Variants in CHIC1 observed in about 807,000 individuals in gnomAD.
CHIC1 encodes the protein cysteine rich hydrophobic domain 1.
CHIC1 carries 7 observed loss-of-function variants against 18.5 expected under a neutral mutation model. The observed-to-expected ratio is 0.38, with a 90% CI of 0.22 to 0.71. CHIC1 has a LOEUF of 0.71. Among genes scored for constraint, CHIC1 ranks in the 30% least tolerant of loss-of-function variants. CHIC1 has a pLI of 0.49. For missense variants in CHIC1, 159 were observed against 176.9 expected (o/e 0.90, Z 0.57); for synonymous variants, 77 against 73.5 (o/e 1.05, Z -0.25).
intron 3 of CHIC1, among the ~76,000 whole-genome samples, chrX:73,599,175 C>G (rs993052556): frequency 2.7e-5 from 3 of 109,556 alleles, no homozygotes; most frequent in Middle Eastern, 9.3e-3. Context: ...CTTTTGATGG[C>G]GTTGTTTGTT....
intron 3 of CHIC1, among the ~76,000 whole-genome samples, chrX:73,593,461 C>T (rs1249247296): frequency 9.0e-6 from 1 of 111,297 alleles, no homozygotes; most frequent in Non-Finnish European, 1.9e-5. Flanking sequence ...TCGACCTCTA[C>T]CAAGATTAGG....
chrX:73,619,214 C>G lies in CHIC1; in HGVS notation c.507+34642C>G, dbSNP rs775921637. Among the ~76,000 whole-genome samples, 3 of 111,074 alleles carry G rather than the reference C, an allele frequency of 2.7e-5. No individual in the cohort carries two copies. The South Asian group carries it at 1.2e-3, about 44-fold the overall frequency. On this transcript the variant is annotated intron_variant, in intron 3 of 5. Coordinates refer to ENST00000373502, the MANE Select transcript of CHIC1 (RefSeq NM_001039840.4). ...TCAAAGGGTCTATGGATTCTCTTAG[C>G]TTTCTTTGTATATTCATGCAGTAGT...
intron 1 of CHIC1, among the ~76,000 whole-genome samples, chrX:73,565,216 A>G (rs2057439722): frequency 8.9e-6 from 1 of 111,770 alleles, no homozygotes; most frequent in Non-Finnish European, 1.9e-5. Context: ...ACCAAAGGTT[A>G]CTTTTATGCA....
intron 2 of CHIC1, chrX:73,578,924 TCTA>T (rs2057513608): frequency 9.0e-6 from 1 of 110,644 alleles, no homozygotes; most frequent in African/African-American, 3.3e-5. Context: ...ATAAGATGCT[TCTA>T]CTGATATTTG....
chrX:73,580,768 G>T (rs1380305473), intron 2 of CHIC1, among the ~76,000 whole-genome samples: 1 of 110,827 alleles, frequency 9.0e-6, no homozygotes, highest in Non-Finnish European at 1.9e-5. Context: ...TATGAAATCA[G>T]TCTTCCAATA....
intron 3 of CHIC1, among the ~76,000 whole-genome samples, chrX:73,636,902 A>G (rs1603346454): frequency 9.0e-6 from 1 of 111,129 alleles, no homozygotes; most frequent in Admixed American, 9.6e-5. Flanking sequence ...TGTGTTTATC[A>G]TTTGTTTTAT....
rs1473988222 is a variant in CHIC1 at position 73,563,344 on chromosome X, G to A, written c.60G>A (p.Glu20=). 3.5e-6 allele frequency: 4 copies of A among 1,154,309 alleles called. No individual in the cohort carries two copies. The Admixed American group carries it at 7.9e-5, about 23-fold the overall frequency. ...ACACCATCTCGGAACTGGAGGAGGA[G>A]GAGGAAGAAGAAGCGGCAACGTCGT... ...EFDTISELEE[E]EEEEAATSSS... Residue 20 remains glutamate, a synonymous_variant, in exon 1 of 6, where the codon GAG becomes GAA. Coordinates refer to ENST00000373502, the MANE Select transcript of CHIC1 (RefSeq NM_001039840.4).
intron 3 of CHIC1, among the ~76,000 whole-genome samples, chrX:73,646,090 T>G (rs926941743): frequency 8.9e-6 from 1 of 111,815 alleles, no homozygotes; most frequent in Non-Finnish European, 1.9e-5. Flanking sequence ...GGGTCCAATT[T>G]TATTCCTCTG....
chrX:73,604,922 T>C (rs1265720623), intron 3 of CHIC1, among the ~76,000 whole-genome samples: 1 of 109,187 alleles, frequency 9.2e-6, no homozygotes. Context: ...CTTCCAATTA[T>C]GTGGTCAATT....
chrX:73,655,232 C>T (rs1215396701), intron 3 of CHIC1, among the ~76,000 whole-genome samples: 2 of 108,195 alleles, frequency 1.8e-5, no homozygotes, highest in African/African-American at 3.4e-5. Context: ...AGGATACAAT[C>T]GCATTCCTTT....
chrX:73,643,102 T>G (rs940270197), intron 3 of CHIC1, among the ~76,000 whole-genome samples: 16 of 111,616 alleles, frequency 1.4e-4, no homozygotes, highest in South Asian at 7.6e-4. Flanking sequence ...GTCTGTAAAG[T>G]ATTTTATTTC....
chrX:73,584,291 A>C, intron 2 of CHIC1, 126 bp from the exon 3 acceptor site: 1 of 556,978 alleles, frequency 1.8e-6, no homozygotes, highest in South Asian at 5.4e-5. Context: ...GAACATATTT[A>C]TGGGGAATAT....
intron 3 of CHIC1, among the ~76,000 whole-genome samples, chrX:73,663,804 T>C (rs972641438): frequency 2.7e-5 from 3 of 111,293 alleles, no homozygotes; most frequent in African/African-American, 9.8e-5. Context: ...CCCAGTACAG[T>C]AAAGTATTAA....
At chrX:73,605,714 C>T (rs1603342793) in intron 3 of CHIC1, among the ~76,000 whole-genome samples, 1 of 108,651 alleles carries the variant, frequency 9.2e-6, no homozygotes, top group Non-Finnish European at 1.9e-5. Context: ...TCGGCATTTA[C>T]TTGTCTGTAG....
intron 3 of CHIC1, among the ~76,000 whole-genome samples, chrX:73,619,869 C>T (rs1028654544): frequency 9.0e-6 from 1 of 110,657 alleles, no homozygotes; most frequent in Admixed American, 9.6e-5. Flanking sequence ...TCCCCCACCC[C>T]CCAAAAGGCC....
chrX:73,567,758 G>A (rs1179447934), intron 1 of CHIC1, among the ~76,000 whole-genome samples: 2 of 108,957 alleles, frequency 1.8e-5, no homozygotes, highest in East Asian at 5.8e-4. Context: ...CTAAACTTTT[G>A]CCATTTCCCT....
chrX:73,662,609 G>C (rs1218488176), intron 3 of CHIC1, among the ~76,000 whole-genome samples: 1 of 108,032 alleles, frequency 9.3e-6, no homozygotes, highest in Non-Finnish European at 1.9e-5. Context: ...CCAAGATGAG[G>C]TGAAGTCAGT....
intron 3 of CHIC1, among the ~76,000 whole-genome samples, chrX:73,655,460 G>T (rs1483380149): frequency 2.5e-5 from 1 of 39,855 alleles, no homozygotes; most frequent in Non-Finnish European, 5.2e-5. Flanking sequence ...ACACAATATT[G>T]TGTATATATA....
At chrX:73,629,576 T>C (rs1461875842) in intron 3 of CHIC1, among the ~76,000 whole-genome samples, 1 of 112,335 alleles carries the variant, frequency 8.9e-6, no homozygotes, top group African/African-American at 3.2e-5. Flanking sequence ...TTCCAATGTG[T>C]ATGCTTGTTT....
Sources: allele counts gnomAD v4.1 joint callset (sites outside exome capture counted in the v4.1 genomes callset), GRCh38; gene constraint gnomAD v4.1.1; transcripts MANE v1.5; gene names NCBI Gene and HGNC (gene_info 2026-07-23, HGNC 2026-07-21).